AMBRA1: variants seen among roughly 807,000 people sequenced by gnomAD.
The protein encoded by AMBRA1 is autophagy and beclin 1 regulator 1.
A neutral mutation model predicts 125.4 loss-of-function variants in AMBRA1; 47 were observed. The ratio of observed to expected loss-of-function variants is 0.37; its 90% CI spans 0.30 to 0.48. AMBRA1 has a LOEUF of 0.48. Among genes scored for constraint, AMBRA1 ranks in the 20% least tolerant of loss-of-function variants. The pLI is 0.99. For missense variants in AMBRA1, 1,331 were observed against 1,693.4 expected (o/e 0.79, Z 3.76); for synonymous variants, 626 against 655.5 (o/e 0.95, Z 0.69).
At chr11:46,477,721 G>A (rs1303537124) in intron 11 of AMBRA1, among the ~76,000 whole-genome samples, 1 of 151,908 alleles carries the variant, frequency 6.6e-6, no homozygotes, top group Admixed American at 6.6e-5. Flanking sequence ...ATCAACAGCA[G>A]AGCCCCCAGC....
At chr11:46,486,658 C>A (rs1055088448) in intron 11 of AMBRA1, among the ~76,000 whole-genome samples, 1 of 152,140 alleles carries the variant, frequency 6.6e-6, no homozygotes, top group Admixed American at 6.6e-5. Flanking sequence ...GTAATCCTAG[C>A]ACTTTGGGAG....
intron 1 of AMBRA1, among the ~76,000 whole-genome samples, chr11:46,578,866 CAGAG>C (rs962978518): frequency 1.0e-5 from 1 of 96,794 alleles, no homozygotes; most frequent in Non-Finnish European, 1.8e-5. Context: ...GCCTGGGCGA[CAGAG>C]AGACTCAGTC....
chr11:46,413,669 T>G (rs1467169736), intron 15 of AMBRA1, among the ~76,000 whole-genome samples: 1 of 152,192 alleles, frequency 6.6e-6, no homozygotes, highest in Admixed American at 6.5e-5. Flanking sequence ...TTTTGTATTT[T>G]CAGTAGAGAC....
At chr11:46,489,546 G>C (rs1227413824) in intron 11 of AMBRA1, among the ~76,000 whole-genome samples, 2 of 152,230 alleles carry the variant, frequency 1.3e-5, no homozygotes, top group Admixed American at 6.5e-5. Context: ...GGACCAGGCC[G>C]TAATGACCTG....
chr11:46,584,424 A>G (rs1053703264), intron 1 of AMBRA1, among the ~76,000 whole-genome samples: 4 of 149,920 alleles, frequency 2.7e-5, no homozygotes, highest in Admixed American at 6.6e-5. Flanking sequence ...CCTAATGCTA[A>G]ATGACGAGTT....
chr11:46,542,139 C>T lies in AMBRA1; in HGVS notation c.1878G>A (p.Thr626=), dbSNP rs755747284. ...TCAACTCCAGCCTGCTGGAGCTGGG[C>T]GTTTGGCCCTCAGTCCGCTCGAGAG... ...LPPLERTEGQ[T]PSSSRLELSS... is the part of the protein sequence containing the mutation. The change falls in exon 7 of 18, where the codon ACG becomes ACA. Residue 626 remains threonine, a synonymous_variant. Coordinates refer to ENST00000683756, the MANE Select transcript of AMBRA1 (RefSeq NM_001387011.1). This position sits in a 1 kb window ranked among gnomAD's most constrained non-coding sequence, Gnocchi z 5.9. 3 of 1,614,002 alleles carry T rather than the reference C, an allele frequency of 1.9e-6. No individual in the cohort carries two copies. Among genetic ancestry groups the T allele is most frequent in the East Asian group, 2.2e-5 (1 of 44,878 alleles).
At chr11:46,418,145 G>A (rs1274562945) in intron 14 of AMBRA1, 93 bp from the exon 15 acceptor site, 7 of 1,270,612 alleles carry the variant, frequency 5.5e-6, no homozygotes, top group Non-Finnish European at 7.3e-6. Context: ...AAATTAGAAG[G>A]AGGAAAGGAG....
intron 7 of AMBRA1, among the ~76,000 whole-genome samples, chr11:46,529,839 C>A (rs778728249): frequency 6.6e-6 from 1 of 152,134 alleles, no homozygotes. Flanking sequence ...ACAATAGGCC[C>A]ACCCATGAAA....
At position 46,545,684 on chromosome 11, in the gene AMBRA1, G is replaced by A. The variant is rs765582719; in HGVS notation, c.471C>T (p.Ala157=). 4 of 1,614,056 alleles carry A rather than the reference G, an allele frequency of 2.5e-6. No individual in the cohort carries two copies. Among genetic ancestry groups the A allele is most frequent in the Non-Finnish European group, 3.4e-6 (4 of 1,180,020 alleles). The change falls in exon 5 of 18, where the codon GCC becomes GCT. Residue 157 remains alanine, a synonymous_variant. Coordinates refer to ENST00000683756, the MANE Select transcript of AMBRA1 (RefSeq NM_001387011.1). The part of the protein sequence containing the change: ...PTAQLLLIAT[A]NEIHFWDWSR... The stretch of plus-strand genomic sequence containing the variant: ...TCCAGTCCCAGAAGTGGATCTCATT[G>A]GCAGTGGCAATCAGCAGGAGCTGAG...
chr11:46,427,420 G>T (rs769294588), intron 14 of AMBRA1, among the ~76,000 whole-genome samples: 1 of 152,232 alleles, frequency 6.6e-6, no homozygotes. Flanking sequence ...GAGATAGTAA[G>T]AGACAGAGCA....
intron 11 of AMBRA1, among the ~76,000 whole-genome samples, chr11:46,465,175 C>A (rs186176035): frequency 6.6e-6 from 1 of 152,136 alleles, no homozygotes; most frequent in Non-Finnish European, 1.5e-5. Context: ...TTATTCAAAC[C>A]GATCCAATCC....
intron 7 of AMBRA1, among the ~76,000 whole-genome samples, chr11:46,526,249 A>C (rs1951965093): frequency 6.6e-6 from 1 of 151,956 alleles, no homozygotes; most frequent in African/African-American, 2.4e-5. Context: ...AATAAAATAA[A>C]ATAGATATGG....
intron 14 of AMBRA1, chr11:46,429,118 A>G (rs1590784876): frequency 6.2e-7 from 1 of 1,603,660 alleles, no homozygotes; most frequent in Non-Finnish European, 8.5e-7. Flanking sequence ...GGAGTTCATA[A>G]ATGGCAATCC....
rs1947651002 is a variant in AMBRA1 at position 46,434,974 on chromosome 11, G to A, written c.2696C>T (p.Ala899Val). The A allele has an allele frequency of 6.2e-7, 1 of 1,613,794 alleles. No homozygotes were observed. The highest frequency in any genetic ancestry group is 8.5e-7 in the Non-Finnish European group (1 of 1,179,878). The stretch of plus-strand genomic sequence containing the variant: ...GAAAGCTGCCAGGAGCTGGCCATCT[G>A]CAGAAATGTCACAGCTGGCATCATT... ...IYNDASCDIS[A>V]DGQLLAAFIP... Residue 899 changes from alanine to valine, a missense_variant, in exon 13 of 18, where the codon GCA becomes GTA. Ala to Val is a moderately conservative substitution (Grantham distance 64, BLOSUM62 0). Coordinates refer to ENST00000683756, the MANE Select transcript of AMBRA1 (RefSeq NM_001387011.1).
intron 11 of AMBRA1, among the ~76,000 whole-genome samples, chr11:46,455,673 G>C (rs1380652006): frequency 6.6e-6 from 1 of 152,192 alleles, no homozygotes; most frequent in Non-Finnish European, 1.5e-5. Flanking sequence ...GCCTCAGAAA[G>C]CATACAGCTT....
At chr11:46,469,693 T>G (rs1949492987) in intron 11 of AMBRA1, among the ~76,000 whole-genome samples, 1 of 152,162 alleles carries the variant, frequency 6.6e-6, no homozygotes, top group Admixed American at 6.5e-5. Flanking sequence ...AGATAGGATC[T>G]CACTCTGTTG....
intron 12 of AMBRA1, among the ~76,000 whole-genome samples, chr11:46,441,774 C>A (rs1565162406): frequency 6.6e-6 from 1 of 151,984 alleles, no homozygotes; most frequent in Non-Finnish European, 1.5e-5. Flanking sequence ...ATTTGGAAAT[C>A]AGTGAAAGGA....
chr11:46,550,829 GT>G (rs2042970655), intron 1 of AMBRA1, among the ~76,000 whole-genome samples: 1 of 151,654 alleles, frequency 6.6e-6, no homozygotes, highest in Non-Finnish European at 1.5e-5. Context: ...GCTCACGCCT[GT>G]AATCCCAGCA....
intron 11 of AMBRA1, among the ~76,000 whole-genome samples, chr11:46,448,446 G>A (rs1217673230): frequency 1.3e-5 from 2 of 152,134 alleles, no homozygotes; most frequent in Non-Finnish European, 2.9e-5. Flanking sequence ...CTCAAAATTC[G>A]TGAAATGTAG....
Sources: allele counts gnomAD v4.1 joint callset (sites outside exome capture counted in the v4.1 genomes callset), GRCh38; gene constraint gnomAD v4.1.1; non-coding constraint Gnocchi (gnomAD v3.1); transcripts MANE v1.5; gene names NCBI Gene and HGNC (gene_info 2026-07-23, HGNC 2026-07-21).